RHBDL3: variants seen among roughly 807,000 people sequenced by gnomAD.
The protein encoded by RHBDL3 is rhomboid-related protein 3.
In RHBDL3, 28 loss-of-function variants were observed where a neutral mutation model predicts 48.2. The observed-to-expected ratio is 0.58, with a 90% confidence interval of 0.43 to 0.80. RHBDL3 has a LOEUF of 0.80. Among genes scored for constraint, RHBDL3 ranks in the 30% least tolerant of loss-of-function variants. The pLI is 0.00. For synonymous variants in RHBDL3, 208 were observed against 232.3 expected, an observed-to-expected ratio of 0.90 and a Z score of 0.95; for missense variants, 464 against 542.7, an observed-to-expected ratio of 0.85 and a Z score of 1.44.
At chr17:32,286,987 G>C (rs1183570313) in intron 3 of RHBDL3, among the ~76,000 whole-genome samples, 3 of 152,296 alleles carry the variant, frequency 2.0e-5, no homozygotes, top group South Asian at 2.1e-4. Flanking sequence ...CTGACTCTGT[G>C]GTTTACTAAG....
Position 32,316,354 on chromosome 17 carries a change from G to A in RHBDL3, c.943+62G>A, listed in dbSNP as rs114344426. 2,778 of 1,276,334 alleles carry A rather than the reference G, an allele frequency of 2.2e-3. 26 individuals carry two copies. In the African/African-American group the frequency reaches 0.036, roughly 17 times the overall value. 79.1% of individuals were successfully genotyped at this position (1,276,334 alleles called of 1,614,324 possible). Reference sequence around the variant, plus strand: ...GCACCAGGGCCTGAGGTTCAAAGATGGCACAGTTCCTGCCCTTCACGGGCT... The same window carrying A: ...GCACCAGGGCCTGAGGTTCAAAGATAGCACAGTTCCTGCCCTTCACGGGCT... On this transcript the variant is annotated intron_variant, in intron 8 of 8. Transcript: ENST00000269051.
Position 32,284,724 on chromosome 17 carries a change from C to T in RHBDL3, c.201C>T (p.Ser67=). The change falls in exon 3 of 9, where the codon AGC becomes AGT. Residue 67 remains serine (S), a synonymous_variant. Coordinates refer to ENST00000269051, the MANE Select transcript of RHBDL3 (RefSeq NM_138328.3). The part of the protein sequence containing the change: ...GKFRSLLESH[S]SKLDPHKREV... ...TCCGGAGTCTTCTGGAGAGCCACAG[C>T]TCCAAGCTGGACCCGCACAAAAGGG... 1 of 1,614,130 alleles carries T rather than the reference C, an allele frequency of 6.2e-7. No individual in the cohort carries two copies. Among genetic ancestry groups the T allele is most frequent in the Non-Finnish European group, 8.5e-7 (1 of 1,179,960 alleles).
At chr17:32,276,289 A>AG (rs2039897599) in intron 2 of RHBDL3, among the ~76,000 whole-genome samples, 1 of 152,140 alleles carries the variant, frequency 6.6e-6, no homozygotes. Flanking sequence ...TTAAAGAGTC[A>AG]GGGGAAAAGA....
chr17:32,277,806 C>G (rs2150698298), intron 2 of RHBDL3, among the ~76,000 whole-genome samples: 1 of 152,360 alleles, frequency 6.6e-6, no homozygotes, highest in East Asian at 1.9e-4. Flanking sequence ...TGAAAAAATA[C>G]TACGACCAAA....
intron 8 of RHBDL3, 139 bp downstream of exon 8, chr17:32,316,431 G>T: frequency 1.6e-6 from 1 of 627,744 alleles, no homozygotes; most frequent in Non-Finnish European, 2.9e-6. Context: ...AAAAAAGTAG[G>T]GATATTGTGA....
chr17:32,305,298 G>A (rs373519235), intron 6 of RHBDL3, 43 bp from the exon 7 acceptor site: 9 of 1,399,352 alleles, frequency 6.4e-6, no homozygotes, highest in Non-Finnish European at 9.1e-6. Context: ...TGGGTGAGCC[G>A]AGTCCCGCAC....
chr17:32,309,193 T>C (rs751807589), intron 7 of RHBDL3, among the ~76,000 whole-genome samples: 1 of 150,736 alleles, frequency 6.6e-6, no homozygotes, highest in South Asian at 2.1e-4. Context: ...TGTGTGTGTG[T>C]GTGTGTGTGT....
chr17:32,277,608 CAGACTTCTAGCATTGCTGGA>C (rs556232468), intron 2 of RHBDL3, among the ~76,000 whole-genome samples: 10 of 152,350 alleles, frequency 6.6e-5, no homozygotes, highest in African/African-American at 2.4e-4. Context: ...CTGGAGCCCA[CAGACTTCTAGCATTGCTGGA>C]AGACTCCAGC....
rs775894775 is a variant in RHBDL3 at position 32,321,004 on chromosome 17, G to A, written c.990G>A (p.Ser330=). The A allele has an allele frequency of 1.1e-5, 18 of 1,613,982 alleles. No homozygotes were observed. In the African/African-American group the frequency reaches 1.6e-4, roughly 14 times the overall value. The part of the protein sequence containing the change: ...GRAVWLRFHP[S]AYPPCPHPSF... ...CCGTGTGGCTCCGCTTCCACCCGTC[G>A]GCCTATCCCCCGTGCCCTCACCCAA... Residue 330 remains serine (S), a synonymous_variant, in exon 9 of 9, where the codon TCG becomes TCA. Coordinates refer to ENST00000269051, the MANE Select transcript of RHBDL3 (RefSeq NM_138328.3).
intron 6 of RHBDL3, among the ~76,000 whole-genome samples, chr17:32,299,482 C>T (rs1381987965): frequency 6.6e-6 from 1 of 152,198 alleles, no homozygotes; most frequent in Non-Finnish European, 1.5e-5. Flanking sequence ...TGTTCAGCCA[C>T]CCACACACCC....
Position 32,288,847 on chromosome 17 carries a change from G to A in RHBDL3, c.350G>A (p.Arg117Lys). ...FRQAILQGNR[R>K]LSSKALLEEK... The stretch of plus-strand genomic sequence containing the variant: ...CAAGCCATCCTGCAGGGCAACCGCA[G>A]GCTAAGCAGCAAGGCCCTGCTGGAG... The change falls in exon 4 of 9, where the codon AGG becomes AAG. Residue 117 changes from arginine to lysine, a missense_variant. Physicochemically the swap from Arg to Lys is conservative, Grantham distance 26. Coordinates refer to ENST00000269051, the MANE Select transcript of RHBDL3 (RefSeq NM_138328.3). 1.2e-6 allele frequency: 2 copies of A among 1,614,126 alleles called. No homozygotes were observed. Among genetic ancestry groups the A allele is most frequent in the Non-Finnish European group, 1.7e-6 (2 of 1,180,000 alleles).
At chr17:32,290,800 CAAGATGAGTCTGG>C (rs1335938188) in intron 4 of RHBDL3, among the ~76,000 whole-genome samples, 1 of 151,894 alleles carries the variant, frequency 6.6e-6, no homozygotes, top group African/African-American at 2.4e-5. Context: ...CCCAGGAATT[CAAGATGAGTCTGG>C]ACAAAAAAGT....
intron 4 of RHBDL3, among the ~76,000 whole-genome samples, chr17:32,290,330 C>G (rs936554814): frequency 7.2e-5 from 11 of 152,156 alleles, no homozygotes; most frequent in African/African-American, 2.7e-4. Context: ...TATCGGTACC[C>G]ATTTCCAGAT....
At chr17:32,280,031 G>A (rs895040879) in intron 2 of RHBDL3, among the ~76,000 whole-genome samples, 2 of 152,192 alleles carry the variant, frequency 1.3e-5, no homozygotes, top group African/African-American at 4.8e-5. Flanking sequence ...TAGAGGATTA[G>A]GGTCGGACGC....
chr17:32,283,460 A>G (rs536564744), intron 2 of RHBDL3, among the ~76,000 whole-genome samples: 1 of 151,118 alleles, frequency 6.6e-6, no homozygotes, highest in South Asian at 2.1e-4. Context: ...AGTAGCTGGG[A>G]CTACAGGCGC....
At chr17:32,280,037 G>T (rs1406683173) in intron 2 of RHBDL3, among the ~76,000 whole-genome samples, 2 of 152,178 alleles carry the variant, frequency 1.3e-5, no homozygotes, top group African/African-American at 4.8e-5. Flanking sequence ...ATTAGGGTCG[G>T]ACGCTGGGTG....
In RHBDL3 at chr17:32,283,570, G is replaced by C. The variant is rs536490498; in HGVS notation, c.136-1089G>C. On this transcript the variant is annotated intron_variant, in intron 2 of 8. Coordinates refer to ENST00000269051, the MANE Select transcript of RHBDL3 (RefSeq NM_138328.3). Reference sequence around the variant, plus strand: ...CATCTCCTGACCTTGTGATCCGCCCGCCTTGGCCTCCCAAAGTGCTGGGAT... The same window carrying C: ...CATCTCCTGACCTTGTGATCCGCCCCCCTTGGCCTCCCAAAGTGCTGGGAT... 2.0e-5 allele frequency among the ~76,000 whole-genome samples: 3 copies of C among 151,936 alleles called. No homozygotes were observed. In the South Asian group the frequency reaches 6.2e-4, roughly 32 times the overall value.
chr17:32,315,570 G>A (rs529107305), intron 7 of RHBDL3, among the ~76,000 whole-genome samples: 1 of 152,228 alleles, frequency 6.6e-6, no homozygotes, highest in South Asian at 2.1e-4. Context: ...TCCGAGTGAT[G>A]TGAAACCCCC....
chr17:32,300,424 G>A lies in RHBDL3; in HGVS notation c.781+2220G>A, dbSNP rs142423379. 6.4e-3 allele frequency among the ~76,000 whole-genome samples: 969 copies of A among 152,126 alleles called. 5 individuals are homozygous for A. The highest frequency in any genetic ancestry group is 0.011 in the Non-Finnish European group (742 of 67,978). On this transcript the variant is annotated intron_variant, in intron 6 of 8. Transcript: ENST00000269051. ...AAATTAGCTGGGCATGGTGGTGTAG[G>A]CCTGTAGTCCCACCAGCTACTTGGG...
Sources: allele counts gnomAD v4.1 joint callset (sites outside exome capture counted in the v4.1 genomes callset), GRCh38; gene constraint gnomAD v4.1.1; transcripts MANE v1.5; gene names NCBI Gene and HGNC (gene_info 2026-07-23, HGNC 2026-07-21).